The following TRMT44 variants were observed in gnomAD, a reference collection of about 807,000 sequenced individuals.
TRMT44 encodes tRNA methyltransferase 44 homolog.
TRMT44 carries 78 observed loss-of-function variants against 77.3 expected under a neutral mutation model. The observed-to-expected ratio is 1.01, with a 90% CI of 0.84 to 1.22. The LOEUF is 1.22. TRMT44 is among the 50% of genes most tolerant of loss of function. TRMT44 has a pLI of 0.00. For synonymous variants in TRMT44, 391 were observed against 383.3 expected (o/e 1.02, Z -0.23); for missense variants, 1,090 against 964.4 (o/e 1.13, Z -1.73).
rs370257130 is a variant in TRMT44 at position 8,475,192 on chromosome 4, A to G, written c.2045-580A>G. Among the ~76,000 whole-genome samples, 55 of 152,332 alleles carry G rather than the reference A, an allele frequency of 3.6e-4. 2 individuals are homozygous for G. The South Asian group carries it at 0.011, about 31-fold the overall frequency. On this transcript the variant is annotated intron_variant, in intron 10 of 10. Coordinates refer to ENST00000389737, the MANE Select transcript of TRMT44 (RefSeq NM_152544.3). The stretch of plus-strand genomic sequence containing the variant: ...CCAGCCCCGTCCTTAGACTGCGTGG[A>G]GGGACCTGCGCCTTGCCCCTCTTTC...
downstream of TRMT44, among the ~76,000 whole-genome samples, chr4:8,498,296 G>T (rs1916326): frequency 1.3e-5 from 2 of 151,992 alleles, no homozygotes; most frequent in Non-Finnish European, 2.9e-5. This position sits in a 1 kb window ranked among gnomAD's most constrained non-coding sequence, Gnocchi z 4.3. Flanking sequence ...ATTCTACCTC[G>T]TGCACCTCCC....
chr4:8,491,514 A>G (rs945752338), intron 2 of TRMT44, among the ~76,000 whole-genome samples: 3 of 152,220 alleles, frequency 2.0e-5, no homozygotes, highest in African/African-American at 7.2e-5. Context: ...AGTGGGTGGG[A>G]GGCTCAGGCA....
downstream of TRMT44, among the ~76,000 whole-genome samples, chr4:8,495,935 C>T (rs12500186): frequency 0.022 from 3,299 of 152,290 alleles, 59 homozygotes; most frequent in African/African-American, 0.05. Flanking sequence ...TGGTCGTGGG[C>T]GGGGCCTATT....
chr4:8,454,787 A>T lies in TRMT44; in HGVS notation c.1177A>T (p.Met393Leu), dbSNP rs377438967. ...IDVRRRKIWD[M>L]YGPQTQLEED... ...TGTCCGAAGAAGAAAAATCTGGGAC[A>T]TGTATGGACCACAAACTCAGTTAGA... Residue 393 changes from methionine (M) to leucine (L), a missense_variant, in exon 6 of 11, where the codon ATG (methionine) becomes TTG (leucine). By Grantham distance (15) the Met-to-Leu change is conservative (BLOSUM62 2). Coordinates refer to ENST00000389737, the MANE Select transcript of TRMT44 (RefSeq NM_152544.3). 3 of 1,614,130 alleles carry T rather than the reference A, an allele frequency of 1.9e-6. No homozygotes were observed. The African/African-American group carries it at 4.0e-5, about 22-fold the overall frequency.
At chr4:8,515,597 G>A in the TRMT44 span, among the ~76,000 whole-genome samples, 1 of 152,186 alleles carries the variant, frequency 6.6e-6, no homozygotes, top group East Asian at 1.9e-4. Flanking sequence ...AGTCAGGAAA[G>A]GCTTTCAGGG....
intron 2 of TRMT44, among the ~76,000 whole-genome samples, chr4:8,487,381 G>A (rs180976833): frequency 4.1e-4 from 63 of 152,200 alleles, no homozygotes; most frequent in Admixed American, 7.2e-4. Flanking sequence ...GAAGGGGTTC[G>A]GGGGTTCTTA....
chr4:8,515,842 T>C, the TRMT44 span, among the ~76,000 whole-genome samples: 5 of 152,218 alleles, frequency 3.3e-5, no homozygotes, highest in Non-Finnish European at 7.3e-5. Flanking sequence ...TTGGTGAAAG[T>C]CCATCAAGCT....
chr4:8,449,944 CTTTTCTTTT>C, intron 3 of TRMT44, 56 bp downstream of exon 3: 12 of 376,586 alleles, frequency 3.2e-5, no homozygotes, highest in South Asian at 1.1e-4. Context: ...CTTTTCTTTT[CTTTTCTTTT>C]TTTTTTTTTT....
intron 2 of TRMT44, among the ~76,000 whole-genome samples, chr4:8,447,336 G>A (rs899882383): frequency 2.4e-4 from 37 of 152,158 alleles, no homozygotes; most frequent in African/African-American, 7.0e-4. Context: ...AATTCATACC[G>A]TTTGGTATTT....
rs761311536 is a variant in TRMT44 at position 8,449,949 on chromosome 4, C to CTTTTCTTTTCTT, written c.954+65_954+66insCTTTTCTTTTTT. 115 of 238,960 alleles carry CTTTTCTTTTCTT rather than the reference C, an allele frequency of 4.8e-4. 1 individual carries two copies. Among genetic ancestry groups the CTTTTCTTTTCTT allele is most frequent in the South Asian group, 2.0e-3 (34 of 16,672 alleles). The allele number at this position is 238,960 out of a possible 1,614,324, so 14.8% of individuals were successfully genotyped here. On this transcript the variant is annotated intron_variant, in intron 3 of 10. Coordinates refer to ENST00000389737, the MANE Select transcript of TRMT44 (RefSeq NM_152544.3). ...TCATGATTTTCTTTTCTTTTCTTTT[C>CTTTTCTTTTCTT]TTTTTTTTTTTTTTTTTTTTTTTTT...
Position 8,446,341 on chromosome 4 carries a change from C to G in TRMT44, c.620-135C>G. On this transcript the variant is annotated intron_variant, in intron 1 of 10. Coordinates refer to ENST00000389737, the MANE Select transcript of TRMT44 (RefSeq NM_152544.3). This position sits in a 1 kb window ranked among gnomAD's most constrained non-coding sequence, Gnocchi z 4.3. ...GTGAATGAAAGGCAAAAGTTCCTCT[C>G]CTGGAGTGCCATTGTGAATAGAGTG... is the stretch of plus-strand genomic sequence containing the variant. 3 of 620,412 alleles carry G rather than the reference C, an allele frequency of 4.8e-6. No homozygotes were observed. Among genetic ancestry groups the G allele is most frequent in the Non-Finnish European group, 5.7e-6 (2 of 353,166 alleles). 38.4% of individuals were successfully genotyped at this position (620,412 alleles called of 1,614,324 possible).
At chr4:8,445,426 G>T (rs561265453) in intron 1 of TRMT44, among the ~76,000 whole-genome samples, 2 of 152,244 alleles carry the variant, frequency 1.3e-5, no homozygotes, top group African/African-American at 2.4e-5. Context: ...GGTGGGCCCT[G>T]TTACCCTTTG....
the TRMT44 span, among the ~76,000 whole-genome samples, chr4:8,500,544 C>G: frequency 6.6e-6 from 1 of 151,954 alleles, no homozygotes; most frequent in Admixed American, 6.6e-5. Flanking sequence ...AGCCCTAGTC[C>G]CCTTAGTCTT....
chr4:8,506,052 G>T, the TRMT44 span, among the ~76,000 whole-genome samples: 1 of 152,226 alleles, frequency 6.6e-6, no homozygotes, highest in African/African-American at 2.4e-5. Context: ...GAAAATGGAC[G>T]AATACACACA....
chr4:8,513,795 C>T, the TRMT44 span, among the ~76,000 whole-genome samples: 2 of 152,204 alleles, frequency 1.3e-5, no homozygotes, highest in African/African-American at 2.4e-5. Flanking sequence ...TCATCTTGAT[C>T]AGCCATCAGG....
In TRMT44 at chr4:8,481,633, TTTATA is replaced by T. The variant is rs764466639; in HGVS notation, n.3891+2107_3891+2111del. 2.6e-4 allele frequency among the ~76,000 whole-genome samples: 40 copies of T among 152,374 alleles called. No homozygotes were observed. The East Asian group carries it at 2.9e-3, about 11-fold the overall frequency. On this transcript the variant is annotated intron_variant and non_coding_transcript_variant, in intron 2 of 2. Coordinates refer to the TRMT44 transcript ENST00000511366. Reference sequence around the variant, plus strand: ...GTGCTGGGGTTACAGGCAAATATTCTTTATATTATATCAGCTTTTCTCTTTATGCT... The same window carrying T: ...GTGCTGGGGTTACAGGCAAATATTCTTTATATCAGCTTTTCTCTTTATGCT...
intron 9 of TRMT44, among the ~76,000 whole-genome samples, chr4:8,469,034 G>T (rs191168912): frequency 6.6e-6 from 1 of 152,142 alleles, no homozygotes; most frequent in Non-Finnish European, 1.5e-5. Context: ...CCCCTCCGTC[G>T]GTGACTTCTG....
chr4:8,465,310 T>C, intron 7 of TRMT44, 68 bp from the exon 8 acceptor site: 1 of 1,480,468 alleles, frequency 6.8e-7, no homozygotes, highest in Non-Finnish European at 9.1e-7. Context: ...CGTGTGGCTT[T>C]GTTCCGAATT....
At position 8,488,861 on chromosome 4, in the gene TRMT44, G is replaced by A. The variant is rs528279421; in HGVS notation, n.3892-4405G>A. Among the ~76,000 whole-genome samples, 3 of 152,344 alleles carry A rather than the reference G, an allele frequency of 2.0e-5. No homozygotes were observed. In the South Asian group the frequency reaches 6.2e-4, roughly 32 times the overall value. On this transcript the variant is annotated intron_variant and non_coding_transcript_variant, in intron 2 of 2. Coordinates refer to the TRMT44 transcript ENST00000511366. ...GGACTTAAAAGCTGCTATGAGTGCT[G>A]TGTCCATGGGATCAAGGGAGTGGTA...
Sources: allele counts gnomAD v4.1 joint callset (sites outside exome capture counted in the v4.1 genomes callset), GRCh38; gene constraint gnomAD v4.1.1; non-coding constraint Gnocchi (gnomAD v3.1); transcripts MANE v1.5; gene names NCBI Gene and HGNC (gene_info 2026-07-23, HGNC 2026-07-21).